FTO: variants seen among roughly 807,000 people sequenced by gnomAD.
FTO encodes the protein FTO alpha-ketoglutarate dependent dioxygenase.
Under a neutral mutation model 63.9 loss-of-function variants are expected in FTO, and 47 were observed. That is an observed-to-expected ratio of 0.74 (90% confidence interval 0.58 to 0.94). The LOEUF is 0.94. Ranked by LOEUF, FTO falls within the 40% of genes least tolerant of loss-of-function variation. FTO has a pLI of 0.00. For synonymous variants in FTO, 207 were observed against 224.4 expected, an observed-to-expected ratio of 0.92 and a Z score of 0.69; for missense variants, 562 against 618.1, an observed-to-expected ratio of 0.91 and a Z score of 0.96.
chr16:54,012,030 A>C (rs1248752921), intron 8 of FTO, among the ~76,000 whole-genome samples: 1 of 152,242 alleles, frequency 6.6e-6, no homozygotes, highest in East Asian at 1.9e-4. Flanking sequence ...ACTGTAATTC[A>C]AAAGCTAGAA....
At chr16:53,832,838 C>T (rs2079180151) in intron 3 of FTO, among the ~76,000 whole-genome samples, 2 of 152,156 alleles carry the variant, frequency 1.3e-5, no homozygotes, top group African/African-American at 4.8e-5. Flanking sequence ...AACAATTACT[C>T]CCCATTTCTC....
chr16:53,952,629 C>T (rs1044196394), intron 8 of FTO, among the ~76,000 whole-genome samples: 6 of 152,150 alleles, frequency 3.9e-5, no homozygotes, highest in Non-Finnish European at 8.8e-5. Flanking sequence ...AACTCTCTAG[C>T]AAAGAGCATG....
intron 8 of FTO, among the ~76,000 whole-genome samples, chr16:53,960,796 A>T (rs1346165870): frequency 2.0e-5 from 3 of 152,116 alleles, no homozygotes; most frequent in Non-Finnish European, 4.4e-5. Flanking sequence ...CCAGATCCAG[A>T]GCAAAGACAA....
chr16:54,026,150 G>A (rs1291157084), intron 8 of FTO, among the ~76,000 whole-genome samples: 17 of 152,296 alleles, frequency 1.1e-4, no homozygotes, highest in African/African-American at 4.1e-4. Flanking sequence ...ACAATATCAG[G>A]ATTTATTTTC....
At chr16:53,959,464 AAGC>A (rs1430649395) in intron 8 of FTO, among the ~76,000 whole-genome samples, 1 of 152,196 alleles carries the variant, frequency 6.6e-6, no homozygotes, top group African/African-American at 2.4e-5. Context: ...TTACTGATGT[AAGC>A]AGAGTGCTTT....
chr16:53,857,261 A>G (rs1323203531), intron 4 of FTO, among the ~76,000 whole-genome samples: 1 of 151,942 alleles, frequency 6.6e-6, no homozygotes, highest in African/African-American at 2.4e-5. Context: ...AGTGGGCCCT[A>G]GTGTCTGTTG....
chr16:53,734,021 C>G (rs1268620122), intron 1 of FTO, among the ~76,000 whole-genome samples: 1 of 152,196 alleles, frequency 6.6e-6, no homozygotes, highest in Non-Finnish European at 1.5e-5. Flanking sequence ...AAATTCAACT[C>G]TCATTTGAAT....
chr16:53,739,996 G>A (rs947269738), intron 1 of FTO, among the ~76,000 whole-genome samples: 1 of 152,188 alleles, frequency 6.6e-6, no homozygotes, highest in African/African-American at 2.4e-5. Context: ...GAAGTCACTT[G>A]TTTTAAAGTA....
intron 1 of FTO, among the ~76,000 whole-genome samples, chr16:53,800,734 T>G (rs986422652): frequency 1.3e-5 from 2 of 150,964 alleles, no homozygotes; most frequent in South Asian, 4.2e-4. Flanking sequence ...ACTTTTTCTC[T>G]TGTAATATTT....
At chr16:53,876,804 G>A (rs1409357633) in intron 5 of FTO, among the ~76,000 whole-genome samples, 1 of 152,174 alleles carries the variant, frequency 6.6e-6, no homozygotes, top group Non-Finnish European at 1.5e-5. Context: ...CCACATGCCT[G>A]TAATCCCAGC....
intron 3 of FTO, among the ~76,000 whole-genome samples, chr16:53,834,345 A>T (rs185284965): frequency 1.3e-5 from 2 of 152,288 alleles, no homozygotes; most frequent in Admixed American, 1.3e-4. Context: ...TGATATATTA[A>T]TGTGATGAGC....
At chr16:53,904,905 G>T (rs564896521) in intron 7 of FTO, among the ~76,000 whole-genome samples, 6 of 152,094 alleles carry the variant, frequency 3.9e-5, no homozygotes, top group Admixed American at 3.3e-4. Flanking sequence ...GGAACTGCAG[G>T]TTGAAGCCTT....
intron 1 of FTO, among the ~76,000 whole-genome samples, chr16:53,710,606 G>A (rs1054683416): frequency 7.2e-5 from 11 of 152,142 alleles, no homozygotes; most frequent in African/African-American, 2.4e-4. Context: ...GAAAGATGGG[G>A]CCTCTAGAGG....
chr16:54,081,074 T>C lies in FTO; in HGVS notation c.1365-30688T>C, dbSNP rs148676468. On this transcript the variant is annotated intron_variant, in intron 8 of 8. Transcript: ENST00000471389. ...TTATGCCTAAAAAGGAGTTGGGATTTTTTTTCCCCCTTTTGCTTTTCAGAC... is the reference window on the plus strand; with the variant it reads ...TTATGCCTAAAAAGGAGTTGGGATTCTTTTTCCCCCTTTTGCTTTTCAGAC... Among the ~76,000 whole-genome samples, 365 of 152,300 alleles carry C rather than the reference T, an allele frequency of 2.4e-3. 1 individual carries two copies. Among genetic ancestry groups the C allele is most frequent in the African/African-American group, 8.5e-3 (352 of 41,564 alleles).
At chr16:53,944,225 A>C (rs2082604085) in intron 8 of FTO, among the ~76,000 whole-genome samples, 1 of 152,216 alleles carries the variant, frequency 6.6e-6, no homozygotes. Flanking sequence ...AATGTATTAC[A>C]CAATGTAGAA....
chr16:54,070,677 C>T (rs2144448566), intron 8 of FTO: 1 of 152,286 alleles, frequency 6.6e-6, no homozygotes, highest in South Asian at 2.1e-4. Flanking sequence ...AGACTGAAAG[C>T]AGAATTTAAA....
chr16:53,960,388 G>A (rs1294724377), intron 8 of FTO, among the ~76,000 whole-genome samples: 2 of 152,202 alleles, frequency 1.3e-5, no homozygotes, highest in African/African-American at 4.8e-5. Flanking sequence ...TGGTGCAATG[G>A]TATCGTTGGA....
At chr16:54,018,427 TA>T (rs60136707) in intron 8 of FTO, among the ~76,000 whole-genome samples, 57,452 of 151,866 alleles carry the variant, frequency 0.38, 13,654 homozygotes, top group African/African-American at 0.67. Context: ...CATACATACA[TA>T]CATACATACA....
chr16:53,912,443 A>G (rs1206119261), intron 7 of FTO, among the ~76,000 whole-genome samples: 1 of 152,190 alleles, frequency 6.6e-6, no homozygotes, highest in African/African-American at 2.4e-5. Flanking sequence ...TATGAATACT[A>G]CACCAAAGGG....
Sources: gnomAD v4.1 joint callset for allele counts (sites outside exome capture counted in the v4.1 genomes callset) on GRCh38, gnomAD v4.1.1 for gene constraint, MANE v1.5 for transcripts, NCBI Gene and HGNC (gene_info 2026-07-23, HGNC 2026-07-21) for gene names.